MBOAT2: variants seen among roughly 807,000 people sequenced by gnomAD.
MBOAT2 encodes membrane-bound glycerophospholipid O-acyltransferase 2.
A neutral mutation model predicts 63.4 loss-of-function variants in MBOAT2; 28 were observed. That is an observed-to-expected ratio of 0.44 (90% CI 0.33 to 0.61). The LOEUF (loss-of-function observed/expected upper bound fraction) is 0.61, where lower values mean the gene tolerates loss of function less well. MBOAT2 is among the 20% of genes least tolerant of loss of function. The probability of loss-of-function intolerance (pLI) is 0.03; values close to 1 mark genes in which losing one functional copy is unlikely to be tolerated. For synonymous variants in MBOAT2, 211 were observed against 215.6 expected (o/e 0.98, Z 0.19); for missense variants, 470 against 605.8 (o/e 0.78, Z 2.35).
chr2:8,886,601 T>C (rs574316713), intron 5 of MBOAT2, among the ~76,000 whole-genome samples: 2 of 152,270 alleles, frequency 1.3e-5, no homozygotes, highest in South Asian at 2.1e-4. Context: ...AAAGTTAAAG[T>C]GTATGAACTC....
intron 4 of MBOAT2, among the ~76,000 whole-genome samples, chr2:8,894,000 G>A (rs899705244): frequency 6.6e-6 from 1 of 151,478 alleles, no homozygotes; most frequent in Non-Finnish European, 1.5e-5. Context: ...TGTGCAGATC[G>A]TGCAGGTTTG....
chr2:8,945,039 A>AT (rs1413651359), intron 2 of MBOAT2, among the ~76,000 whole-genome samples: 1 of 152,222 alleles, frequency 6.6e-6, no homozygotes, highest in Admixed American at 6.5e-5. Flanking sequence ...GGGATATATC[A>AT]TAACTTTAGA....
chr2:8,894,422 G>A (rs925813322), intron 4 of MBOAT2, among the ~76,000 whole-genome samples: 1 of 152,194 alleles, frequency 6.6e-6, no homozygotes, highest in South Asian at 2.1e-4. Context: ...GAATGGGCCA[G>A]GATAAAGGCC....
chr2:8,964,674 T>C (rs1040313775), intron 1 of MBOAT2, among the ~76,000 whole-genome samples: 2 of 152,264 alleles, frequency 1.3e-5, no homozygotes, highest in African/African-American at 4.8e-5. Context: ...TCCACTTGAC[T>C]AAGTATTGCT....
chr2:8,901,436 G>A lies in MBOAT2; in HGVS notation c.395+7185C>T, dbSNP rs184065389. On this transcript the variant is annotated intron_variant, in intron 4 of 12. Transcript: ENST00000305997. ...AAAATTGGATTTAGTGGCCCTTACC[G>A]ACACATTCTCAAAAACCTGTTAGAG... Among the ~76,000 whole-genome samples, 17 of 152,156 alleles carry A rather than the reference G, an allele frequency of 1.1e-4. No individual in the cohort carries two copies. The South Asian group carries it at 2.3e-3, about 20-fold the overall frequency.
chr2:8,911,572 A>T (rs1665710838), intron 3 of MBOAT2, among the ~76,000 whole-genome samples: 1 of 152,180 alleles, frequency 6.6e-6, no homozygotes, highest in Non-Finnish European at 1.5e-5. Flanking sequence ...TCATGGGGGC[A>T]GATCCCTCAT....
At chr2:8,995,590 A>ATTTTTTT (rs34038834) in intron 1 of MBOAT2, among the ~76,000 whole-genome samples, 1 of 134,408 alleles carries the variant, frequency 7.4e-6, no homozygotes, top group Non-Finnish European at 1.6e-5. Context: ...AATACATTCC[A>ATTTTTTT]TTTTTTTTTT....
At position 8,877,043 on chromosome 2, in the gene MBOAT2, T is replaced by A. The variant is rs1466100098; in HGVS notation, c.677A>T (p.Glu226Val). 2 of 1,610,904 alleles carry A rather than the reference T, an allele frequency of 1.2e-6. No individual in the cohort carries two copies. Among genetic ancestry groups the A allele is most frequent in the Admixed American group, 3.4e-5 (2 of 59,314 alleles). ...GKEETQYERT[E>V]PSPNTAVVQK... ...TCATGACCTTACATTTGGAGATGGC[T>A]CTGTTCTTTCATACTGTGTCTCTTC... The change falls in exon 7 of 13, where the codon GAG becomes GTG. Residue 226 changes from glutamate to valine, a missense_variant. This residue lies in a region of MBOAT2 where 376 missense variants were observed against 503.8 expected (regional missense o/e 0.75). Transcript: ENST00000305997.
intron 2 of MBOAT2, among the ~76,000 whole-genome samples, chr2:8,956,328 A>ACAATCCGT (rs1402551537): frequency 6.6e-6 from 1 of 152,210 alleles, no homozygotes; most frequent in African/African-American, 2.4e-5. Context: ...AGAGGCATAA[A>ACAATCCGT]CAATCCGTCT....
intron 1 of MBOAT2, among the ~76,000 whole-genome samples, chr2:8,960,855 G>A (rs925106908): frequency 6.6e-6 from 1 of 152,196 alleles, no homozygotes; most frequent in East Asian, 1.9e-4. Context: ...CTCAAGGTGT[G>A]AGAAGCACTC....
intron 3 of MBOAT2, among the ~76,000 whole-genome samples, chr2:8,914,934 CTTTTT>C (rs938665533): frequency 1.7e-5 from 1 of 60,244 alleles, no homozygotes; most frequent in South Asian, 7.9e-4. Flanking sequence ...CTGGAAATTT[CTTTTT>C]TTTTTTTTTT....
intron 4 of MBOAT2, among the ~76,000 whole-genome samples, 182 bp from the exon 5 acceptor site, chr2:8,888,255 C>CGAT (rs1419867546): frequency 7.9e-5 from 12 of 152,086 alleles, no homozygotes; most frequent in African/African-American, 2.9e-4. Context: ...ACAGCATAGG[C>CGAT]GATGGGGATC....
intron 1 of MBOAT2, among the ~76,000 whole-genome samples, chr2:8,989,531 G>A (rs1671784640): frequency 6.6e-6 from 1 of 152,156 alleles, no homozygotes; most frequent in African/African-American, 2.4e-5. Context: ...CATCCCAGGA[G>A]AGCTAGAAAT....
At chr2:8,896,020 G>A (rs976838177) in intron 4 of MBOAT2, among the ~76,000 whole-genome samples, 6 of 152,046 alleles carry the variant, frequency 3.9e-5, no homozygotes, top group African/African-American at 4.8e-5. Flanking sequence ...GGCGGATCAC[G>A]AGGTCAGAAG....
At chr2:8,993,836 A>G (rs1672082287) in intron 1 of MBOAT2, among the ~76,000 whole-genome samples, 1 of 152,084 alleles carries the variant, frequency 6.6e-6, no homozygotes, top group African/African-American at 2.4e-5. Flanking sequence ...GACAGAGAAC[A>G]CTCTCCTAGG....
At chr2:8,997,067 C>A (rs1280941532) in intron 1 of MBOAT2, among the ~76,000 whole-genome samples, 1 of 152,132 alleles carries the variant, frequency 6.6e-6, no homozygotes, top group Non-Finnish European at 1.5e-5. Context: ...ACCTTTCCAC[C>A]CATCAGCTGC....
At chr2:8,863,320 A>T (rs1042327855) in intron 10 of MBOAT2, among the ~76,000 whole-genome samples, 3 of 152,206 alleles carry the variant, frequency 2.0e-5, no homozygotes, top group Non-Finnish European at 4.4e-5. Context: ...AAGATGTTTA[A>T]TTTGTCATTT....
chr2:8,936,240 T>G (rs757358704), intron 3 of MBOAT2, among the ~76,000 whole-genome samples: 1 of 152,186 alleles, frequency 6.6e-6, no homozygotes, highest in African/African-American at 2.4e-5. Context: ...GTTGCAGGAA[T>G]GACATTGTAA....
chr2:8,867,627 T>C (rs1294990505), intron 9 of MBOAT2, among the ~76,000 whole-genome samples: 1 of 152,202 alleles, frequency 6.6e-6, no homozygotes, highest in African/African-American at 2.4e-5. Flanking sequence ...TTAAACCAGA[T>C]TTCTGGGCCT....
Sources: allele counts gnomAD v4.1 joint callset (sites outside exome capture counted in the v4.1 genomes callset), GRCh38; gene constraint gnomAD v4.1.1; regional missense constraint gnomAD v4.1.1; transcripts MANE v1.5; gene names NCBI Gene and HGNC (gene_info 2026-07-23, HGNC 2026-07-21).